The following SLC9C1 variants were observed in gnomAD, a reference collection of about 807,000 sequenced individuals.
SLC9C1 encodes solute carrier family 9 member C1.
A neutral mutation model predicts 140.9 loss-of-function variants in SLC9C1; 97 were observed. That is an observed-to-expected ratio of 0.69 (90% CI 0.58 to 0.82). The LOEUF (loss-of-function observed/expected upper bound fraction) is 0.82, where lower values mean the gene tolerates loss of function less well. SLC9C1 is among the 40% of genes least tolerant of loss of function. The pLI is 0.00. For missense variants in SLC9C1, 1,340 were observed against 1,389.3 expected (o/e 0.96, Z 0.56); for synonymous variants, 440 against 442.6 (o/e 0.99, Z 0.07).
chr3:112,277,718 G>A lies in SLC9C1; in HGVS notation c.461C>T (p.Thr154Ile). ...AILVSSDPML[T>I]AAAIRDLGLS... Reference sequence around the variant, plus strand: ...ACCAAGGTCTCTTATAGCAGCTGCGGTTAGCATGGGATCTGAACTCACAAG... The same window carrying A: ...ACCAAGGTCTCTTATAGCAGCTGCGATTAGCATGGGATCTGAACTCACAAG... Residue 154 changes from threonine to isoleucine, a missense_variant, in exon 5 of 29, where the codon ACC (threonine) becomes ATC (isoleucine). By Grantham distance (89) the Thr-to-Ile change is moderately conservative (BLOSUM62 -1). Transcript: ENST00000305815. 1.3e-6 allele frequency: 2 copies of A among 1,597,006 alleles called. No individual in the cohort carries two copies. Among genetic ancestry groups the A allele is most frequent in the South Asian group, 1.2e-5 (1 of 86,738 alleles).
chr3:112,269,949 T>A lies in SLC9C1; in HGVS notation c.742A>T (p.Ile248Phe). The A allele has an allele frequency of 6.3e-7, 1 of 1,583,418 alleles. No individual in the cohort carries two copies. The highest frequency in any genetic ancestry group is 2.3e-5 in the East Asian group (1 of 43,386). The change falls in exon 7 of 29, where the codon ATC becomes TTC. Residue 248 changes from isoleucine (I) to phenylalanine (F), a missense_variant. Coordinates refer to ENST00000305815, the MANE Select transcript of SLC9C1 (RefSeq NM_183061.3). ...FGDDVNHISLIFSILYLIFYI... is the reference protein window; with the variant it reads ...FGDDVNHISLFFSILYLIFYI... ...AAGATGAGATACAGAATTGAAAAGA[T>A]GAGACTTATATGATTGACATCATCA...
chr3:112,224,684 C>G (rs1398322970), intron 13 of SLC9C1, among the ~76,000 whole-genome samples: 1 of 149,374 alleles, frequency 6.7e-6, no homozygotes, highest in Non-Finnish European at 1.5e-5. Context: ...CAAACTAGAT[C>G]AAACAGAAAA....
At chr3:112,196,857 G>T (rs1026874794) in intron 20 of SLC9C1, among the ~76,000 whole-genome samples, 3 of 151,586 alleles carry the variant, frequency 2.0e-5, no homozygotes, top group African/African-American at 7.3e-5. Context: ...TAAAGTCTTT[G>T]TCTGGTAGAC....
At chr3:112,196,440 C>T (rs373624444) in intron 20 of SLC9C1, among the ~76,000 whole-genome samples, 1 of 152,162 alleles carries the variant, frequency 6.6e-6, no homozygotes, top group East Asian at 1.9e-4. Context: ...CATTAAATTT[C>T]AAAAGTTTTT....
intron 1 of SLC9C1, among the ~76,000 whole-genome samples, chr3:112,287,122 CT>C (rs2080531776): frequency 6.6e-6 from 1 of 152,198 alleles, no homozygotes; most frequent in Non-Finnish European, 1.5e-5. Context: ...TTGTTACCCA[CT>C]CTGAATCCAT....
chr3:112,161,746 C>T (rs1446630361), intron 26 of SLC9C1, among the ~76,000 whole-genome samples: 11 of 151,668 alleles, frequency 7.3e-5, no homozygotes, highest in South Asian at 4.2e-4. Context: ...ATTGACTTGG[C>T]GATGCGGGCT....
intron 27 of SLC9C1, among the ~76,000 whole-genome samples, chr3:112,153,452 T>C (rs1036128139): frequency 6.6e-6 from 1 of 152,224 alleles, no homozygotes; most frequent in African/African-American, 2.4e-5. Flanking sequence ...TCTATTGTTA[T>C]TTCCCTTTGT....
At chr3:112,292,498 A>G (rs1447383620) in intron 1 of SLC9C1, among the ~76,000 whole-genome samples, 1 of 152,190 alleles carries the variant, frequency 6.6e-6, no homozygotes, top group East Asian at 1.9e-4. Context: ...GTAGCTTAAT[A>G]TGTTAAATGT....
At chr3:112,290,374 AT>A (rs11354641) in intron 1 of SLC9C1, among the ~76,000 whole-genome samples, 57,599 of 151,724 alleles carry the variant, frequency 0.38, 11,148 homozygotes, top group East Asian at 0.55. Context: ...ATTATAATAA[AT>A]TTTTTTTTCA....
At chr3:112,165,311 G>C (rs1033747845) in intron 26 of SLC9C1, among the ~76,000 whole-genome samples, 1 of 152,190 alleles carries the variant, frequency 6.6e-6, no homozygotes, top group Non-Finnish European at 1.5e-5. Flanking sequence ...TCCATTGCTG[G>C]TGAGGAGCTG....
chr3:112,151,992 T>C, intron 27 of SLC9C1, 29 bp from the exon 28 acceptor site: 1 of 1,553,796 alleles, frequency 6.4e-7, no homozygotes, highest in Non-Finnish European at 8.7e-7. Flanking sequence ...TGTTACTTGA[T>C]GTCATGATAG....
chr3:112,155,969 G>A (rs1399104191), intron 26 of SLC9C1, among the ~76,000 whole-genome samples: 8 of 151,970 alleles, frequency 5.3e-5, no homozygotes, highest in Admixed American at 3.3e-4. Flanking sequence ...GAATAATTGG[G>A]ATAACCATCA....
At chr3:112,206,556 C>G (rs181390338) in intron 16 of SLC9C1, among the ~76,000 whole-genome samples, 2 of 152,092 alleles carry the variant, frequency 1.3e-5, no homozygotes, top group African/African-American at 4.8e-5. Flanking sequence ...ATGTCTATTG[C>G]GGCACCATTC....
intron 26 of SLC9C1, among the ~76,000 whole-genome samples, chr3:112,162,050 CT>C (rs2075316136): frequency 6.6e-6 from 1 of 152,140 alleles, no homozygotes; most frequent in Non-Finnish European, 1.5e-5. Flanking sequence ...TGGCAGTTCA[CT>C]CATGATTTGG....
At chr3:112,186,037 A>G in intron 20 of SLC9C1, 1 of 1,350,340 alleles carries the variant, frequency 7.4e-7, no homozygotes, top group Non-Finnish European at 9.9e-7. Context: ...AGCCATTTAA[A>G]TATCTTCCGC....
At chr3:112,249,690 T>C (rs1056548086) in intron 10 of SLC9C1, among the ~76,000 whole-genome samples, 2 of 152,152 alleles carry the variant, frequency 1.3e-5, no homozygotes, top group African/African-American at 4.8e-5. Context: ...TTTCCAATAA[T>C]TTATCTATTT....
intron 15 of SLC9C1, among the ~76,000 whole-genome samples, chr3:112,215,986 T>A (rs967119820): frequency 6.6e-6 from 1 of 152,334 alleles, no homozygotes; most frequent in Non-Finnish European, 1.5e-5. Context: ...CAAAACAGCA[T>A]GGTACTGGTA....
intron 12 of SLC9C1, among the ~76,000 whole-genome samples, chr3:112,236,244 A>G (rs2078982655): frequency 6.6e-6 from 1 of 152,114 alleles, no homozygotes; most frequent in Admixed American, 6.5e-5. Flanking sequence ...TAGATTTTCT[A>G]GTTTATTTGT....
At chr3:112,187,615 A>C (rs1289922912) in intron 20 of SLC9C1, among the ~76,000 whole-genome samples, 3 of 152,204 alleles carry the variant, frequency 2.0e-5, no homozygotes, top group African/African-American at 7.2e-5. Flanking sequence ...AAACCAGTCA[A>C]AATTTTTTAA....
Sources: gnomAD v4.1 joint callset for allele counts (sites outside exome capture counted in the v4.1 genomes callset) on GRCh38, gnomAD v4.1.1 for gene constraint, MANE v1.5 for transcripts, NCBI Gene and HGNC (gene_info 2026-07-23, HGNC 2026-07-21) for gene names.